PPP1R13B: variants seen among roughly 807,000 people sequenced by gnomAD.
PPP1R13B encodes the protein apoptosis-stimulating of p53 protein 1.
In PPP1R13B, 44 loss-of-function variants were observed where a neutral mutation model predicts 119.8. That is an observed-to-expected ratio of 0.37 (90% confidence interval 0.29 to 0.47). The LOEUF (loss-of-function observed/expected upper bound fraction) is 0.47. Among genes scored for constraint, PPP1R13B ranks in the 20% least tolerant of loss-of-function variants. The probability of loss-of-function intolerance (pLI) is 0.99; values close to 1 mark genes in which losing one functional copy is unlikely to be tolerated. For missense variants in PPP1R13B, 1,227 were observed against 1,413.5 expected (o/e 0.87, Z 2.12); for synonymous variants, 542 against 561.5 (o/e 0.97, Z 0.49).
At chr14:103,770,743 G>A (rs2085048097) in intron 4 of PPP1R13B, among the ~76,000 whole-genome samples, 1 of 152,038 alleles carries the variant, frequency 6.6e-6, no homozygotes, top group Non-Finnish European at 1.5e-5. Flanking sequence ...TCACACTCCT[G>A]GTAACAACAC....
chr14:103,788,280 C>T (rs962927672), intron 2 of PPP1R13B, among the ~76,000 whole-genome samples: 7 of 152,138 alleles, frequency 4.6e-5, no homozygotes. Context: ...GTCAGACTTA[C>T]TGTTACCTTA....
chr14:103,831,638 G>C (rs2086666407), intron 1 of PPP1R13B, among the ~76,000 whole-genome samples: 1 of 149,422 alleles, frequency 6.7e-6, no homozygotes, highest in Admixed American at 6.7e-5. Flanking sequence ...GAGGCTCCTA[G>C]AAAATTTTAA....
At chr14:103,791,404 C>CA (rs2085617683) in intron 2 of PPP1R13B, among the ~76,000 whole-genome samples, 1 of 152,036 alleles carries the variant, frequency 6.6e-6, no homozygotes, top group Admixed American at 6.6e-5. Context: ...ATCTGTAGAG[C>CA]AAAAAACAAT....
In PPP1R13B at chr14:103,754,224, T is replaced by A; in HGVS notation, c.477A>T (p.Leu159=). 2.5e-6 allele frequency: 4 copies of A among 1,612,404 alleles called. No homozygotes were observed. The part of the protein sequence containing the change: ...LVAKEQRLHF[L]KQQERRQQQS... ...GCTGCTGACGGCGCTCCTGTTGCTT[T>A]AGAAAATGTAAACGCTGTTCCTAAC... Residue 159 remains leucine (L), a synonymous_variant, in exon 6 of 17, where the codon CTA becomes CTT. Transcript: ENST00000202556.
rs958616449 is a variant in PPP1R13B, at chr14:103,733,754, G to A, written c.*1400C>T. The A allele has an allele frequency of 2.6e-5, 4 of 152,332 alleles. No homozygotes were observed. The highest frequency in any genetic ancestry group is 4.4e-5 in the Non-Finnish European group (3 of 68,066). 9.4% of individuals were successfully genotyped at this position (152,332 alleles called of 1,614,324 possible). On this transcript the variant is annotated 3_prime_UTR_variant, in exon 17 of 17. Coordinates refer to ENST00000202556, the MANE Select transcript of PPP1R13B (RefSeq NM_015316.3). ...TCCAGAAAGAAGACTCACAGCCGCC[G>A]GGGTGAGACGGGTTTATTGTGCACA...
intron 1 of PPP1R13B, among the ~76,000 whole-genome samples, chr14:103,841,687 C>A (rs1318682856): frequency 6.6e-6 from 1 of 152,144 alleles, no homozygotes; most frequent in Non-Finnish European, 1.5e-5. Context: ...TATCAAGTCA[C>A]CTAATTCTTA....
chr14:103,837,523 CCT>C lies in PPP1R13B; in HGVS notation c.9+9774_9+9775del, dbSNP rs149916314. Among the ~76,000 whole-genome samples, 534 of 151,664 alleles carry C rather than the reference CCT, an allele frequency of 3.5e-3. 1 individual carries two copies. The highest frequency in any genetic ancestry group is 5.0e-3 in the Non-Finnish European group (342 of 67,878). On this transcript the variant is annotated intron_variant, in intron 1 of 16. Transcript: ENST00000202556. Reference sequence around the variant, plus strand: ...TATCTCCCTCCCTCCCTCCTTCCTTCCTCTCTCTCTCTCACACACACTTACAT... The same window carrying C: ...TATCTCCCTCCCTCCCTCCTTCCTTCCTCTCTCTCTCACACACACTTACAT...
At chr14:103,800,369 T>C (rs948354874) in intron 1 of PPP1R13B, among the ~76,000 whole-genome samples, 6 of 152,036 alleles carry the variant, frequency 3.9e-5, no homozygotes, top group African/African-American at 1.4e-4. Context: ...GATTTTTTTT[T>C]CATCCAGGCA....
At chr14:103,808,920 C>T (rs1007846357) in intron 1 of PPP1R13B, among the ~76,000 whole-genome samples, 5 of 152,046 alleles carry the variant, frequency 3.3e-5, no homozygotes, top group African/African-American at 1.2e-4. Context: ...CCAGGCTGAG[C>T]GCAGCAGCAC....
Position 103,741,900 on chromosome 14 carries a change from G to C in PPP1R13B, c.1712C>G (p.Pro571Arg). ...TATGGAACTTGAATTCACTGTCTGG[G>C]GTCCTTTCCTGGGAGACTGTGGCCT... ...GSRPQSPRKG[P>R]QTVNSSSIYS... The change falls in exon 11 of 17, where the codon CCC becomes CGC. Residue 571 changes from proline (P) to arginine (R), a missense_variant. Coordinates refer to ENST00000202556, the MANE Select transcript of PPP1R13B (RefSeq NM_015316.3). 2 of 1,614,186 alleles carry C rather than the reference G, an allele frequency of 1.2e-6. No individual in the cohort carries two copies. Among genetic ancestry groups the C allele is most frequent in the Non-Finnish European group, 1.7e-6 (2 of 1,180,036 alleles).
chr14:103,804,030 C>G (rs943392835), intron 1 of PPP1R13B: 1 of 980,920 alleles, frequency 1.0e-6, no homozygotes, highest in African/African-American at 1.8e-5. Context: ...TCTACTGGAA[C>G]AGTATCTGTG....
chr14:103,790,051 GC>G (rs1433408016), intron 2 of PPP1R13B, among the ~76,000 whole-genome samples: 1 of 151,814 alleles, frequency 6.6e-6, no homozygotes, highest in African/African-American at 2.4e-5. Flanking sequence ...TTCCAGACCA[GC>G]CTGGCCAACA....
intron 1 of PPP1R13B, among the ~76,000 whole-genome samples, chr14:103,819,251 A>G (rs2086348617): frequency 6.6e-6 from 1 of 152,208 alleles, no homozygotes; most frequent in Non-Finnish European, 1.5e-5. Flanking sequence ...GAGGGTTTTA[A>G]GTAAGAAGTG....
intron 1 of PPP1R13B, among the ~76,000 whole-genome samples, chr14:103,841,896 G>C (rs1278558240): frequency 2.0e-5 from 3 of 152,146 alleles, no homozygotes; most frequent in African/African-American, 7.2e-5. Context: ...AACCATAAAT[G>C]CCTGAAAATT....
chr14:103,770,406 G>A (rs1041042965), intron 4 of PPP1R13B, among the ~76,000 whole-genome samples: 12 of 151,794 alleles, frequency 7.9e-5, no homozygotes, highest in Admixed American at 3.3e-4. Flanking sequence ...TCCCAGCTAC[G>A]TGGGAGGCTG....
chr14:103,814,504 G>A (rs1399036096), intron 1 of PPP1R13B, among the ~76,000 whole-genome samples: 1 of 152,050 alleles, frequency 6.6e-6, no homozygotes, highest in African/African-American at 2.4e-5. Flanking sequence ...AAAAGATAAG[G>A]CAGTAAAAGT....
chr14:103,799,681 T>C (rs1002754687), intron 1 of PPP1R13B, among the ~76,000 whole-genome samples: 1 of 151,784 alleles, frequency 6.6e-6, no homozygotes, highest in Non-Finnish European at 1.5e-5. Context: ...AGACATCATA[T>C]TGGAAGGAAA....
At chr14:103,800,609 T>G (rs1246581327) in intron 1 of PPP1R13B, among the ~76,000 whole-genome samples, 1 of 150,694 alleles carries the variant, frequency 6.6e-6, no homozygotes, top group Non-Finnish European at 1.5e-5. Flanking sequence ...GAGCCAAGAT[T>G]GCACCATTTC....
intron 1 of PPP1R13B, among the ~76,000 whole-genome samples, chr14:103,842,482 T>C (rs753021142): frequency 6.6e-6 from 1 of 151,846 alleles, no homozygotes. Flanking sequence ...TTTGTATTTT[T>C]AGTAGAGATG....
Sources: gnomAD v4.1 joint callset for allele counts (sites outside exome capture counted in the v4.1 genomes callset) on GRCh38, gnomAD v4.1.1 for gene constraint, MANE v1.5 for transcripts, NCBI Gene and HGNC (gene_info 2026-07-23, HGNC 2026-07-21) for gene names.